ANKS1B: variants seen among roughly 807,000 people sequenced by gnomAD.
ANKS1B encodes ankyrin repeat and sterile alpha motif domain-containing protein 1B.
In ANKS1B, 36 loss-of-function variants were observed where a neutral mutation model predicts 148.3. The observed-to-expected ratio is 0.24, with a 90% CI of 0.19 to 0.32. ANKS1B has a LOEUF of 0.32. ANKS1B is among the 10% of genes least tolerant of loss of function. The pLI is 1.00. For missense variants in ANKS1B, 1,157 were observed against 1,542.6 expected (o/e 0.75, Z 4.19); for synonymous variants, 542 against 560.8 (o/e 0.97, Z 0.47).
intron 17 of ANKS1B, among the ~76,000 whole-genome samples, chr12:99,000,796 C>G (rs1164093027): frequency 6.6e-6 from 1 of 152,158 alleles, no homozygotes; most frequent in Non-Finnish European, 1.5e-5. Context: ...TTATTCTACT[C>G]TCGCATTATG....
chr12:98,821,209 A>T (rs983420141), intron 19 of ANKS1B, among the ~76,000 whole-genome samples: 1 of 152,226 alleles, frequency 6.6e-6, no homozygotes, highest in Admixed American at 6.5e-5. Flanking sequence ...CAAACCTGGC[A>T]TTCTAACAAA....
At chr12:99,952,145 A>G (rs760261232) in intron 1 of ANKS1B, among the ~76,000 whole-genome samples, 7 of 152,194 alleles carry the variant, frequency 4.6e-5, no homozygotes, top group Non-Finnish European at 7.4e-5. Flanking sequence ...AACAAAATTG[A>G]TCAAATTGGG....
At chr12:98,783,062 C>A (rs11109603) in intron 22 of ANKS1B, among the ~76,000 whole-genome samples, 39,967 of 151,268 alleles carry the variant, frequency 0.26, 5,846 homozygotes, top group Middle Eastern at 0.37. Context: ...TTCTGCAAAG[C>A]GTCACAGTGG....
At chr12:99,045,036 A>G (rs2099961422) in intron 17 of ANKS1B, among the ~76,000 whole-genome samples, 1 of 152,200 alleles carries the variant, frequency 6.6e-6, no homozygotes, top group African/African-American at 2.4e-5. Flanking sequence ...TATAAACAGT[A>G]AGTAAAATTT....
chr12:99,485,104 T>C (rs2096470732), intron 10 of ANKS1B, among the ~76,000 whole-genome samples: 2 of 152,046 alleles, frequency 1.3e-5, no homozygotes, highest in African/African-American at 2.4e-5. Context: ...CATTGTTTTA[T>C]AGGCCTTGTG....
At chr12:99,832,032 T>C (rs1166268523) in intron 1 of ANKS1B, among the ~76,000 whole-genome samples, 1 of 152,186 alleles carries the variant, frequency 6.6e-6, no homozygotes, top group East Asian at 1.9e-4. Context: ...TACCATCAGA[T>C]GGGCACAAAT....
intron 10 of ANKS1B, among the ~76,000 whole-genome samples, chr12:99,474,708 A>G (rs1019910024): frequency 6.6e-6 from 1 of 152,072 alleles, no homozygotes; most frequent in Non-Finnish European, 1.5e-5. Flanking sequence ...ACAAACATGA[A>G]GAAATTTATA....
chr12:99,124,679 C>A (rs1241989163), intron 15 of ANKS1B, among the ~76,000 whole-genome samples: 4 of 151,770 alleles, frequency 2.6e-5, no homozygotes, highest in African/African-American at 9.7e-5. Context: ...GAATAGAACA[C>A]AAAGAACTGA....
chr12:99,867,913 C>T (rs1035664580), intron 1 of ANKS1B, among the ~76,000 whole-genome samples: 5 of 152,020 alleles, frequency 3.3e-5, no homozygotes, highest in Admixed American at 3.3e-4. Context: ...GTACAAAACA[C>T]CTGAACAAAA....
intron 14 of ANKS1B, among the ~76,000 whole-genome samples, chr12:99,210,145 C>T (rs1221004002): frequency 6.6e-6 from 1 of 152,144 alleles, no homozygotes; most frequent in East Asian, 1.9e-4. Flanking sequence ...TTCTTTAACT[C>T]TTATATTTGG....
chr12:99,225,822 G>T (rs2085844968), intron 14 of ANKS1B, among the ~76,000 whole-genome samples: 1 of 152,170 alleles, frequency 6.6e-6, no homozygotes, highest in African/African-American at 2.4e-5. Context: ...GACTTGGACT[G>T]GCTTCCTCGC....
At chr12:99,971,992 T>C (rs2095565001) in intron 1 of ANKS1B, among the ~76,000 whole-genome samples, 1 of 152,262 alleles carries the variant, frequency 6.6e-6, no homozygotes. Flanking sequence ...TTCATGTCTC[T>C]GTGTCACATG....
chr12:99,964,693 G>A (rs550268731), intron 1 of ANKS1B, among the ~76,000 whole-genome samples: 1 of 152,242 alleles, frequency 6.6e-6, no homozygotes, highest in Admixed American at 6.5e-5. Flanking sequence ...CAAACAGAAT[G>A]AGAGGGCATC....
intron 1 of ANKS1B, among the ~76,000 whole-genome samples, chr12:99,861,347 T>C (rs914952079): frequency 6.6e-6 from 1 of 152,238 alleles, no homozygotes; most frequent in Non-Finnish European, 1.5e-5. Context: ...AAAAATTCCC[T>C]TGTACAGTAA....
chr12:99,947,499 G>C (rs1022285529), intron 1 of ANKS1B, among the ~76,000 whole-genome samples: 1 of 152,090 alleles, frequency 6.6e-6, no homozygotes, highest in Non-Finnish European at 1.5e-5. Flanking sequence ...ATAAAAAATA[G>C]AGCAACAACT....
intron 17 of ANKS1B, among the ~76,000 whole-genome samples, chr12:98,972,917 T>C (rs751219265): frequency 1.6e-4 from 25 of 152,318 alleles, no homozygotes; most frequent in Non-Finnish European, 2.8e-4. Context: ...TTCAATACTA[T>C]TGCAGACTTA....
intron 1 of ANKS1B, among the ~76,000 whole-genome samples, chr12:99,915,571 T>C (rs968034713): frequency 2.0e-5 from 3 of 152,068 alleles, no homozygotes; most frequent in Non-Finnish European, 4.4e-5. Flanking sequence ...CACTTAGCCA[T>C]CAGAAGCAAG....
At chr12:99,260,377 G>A (rs1471331649) in intron 12 of ANKS1B, among the ~76,000 whole-genome samples, 3 of 152,108 alleles carry the variant, frequency 2.0e-5, no homozygotes, top group Admixed American at 1.3e-4. Flanking sequence ...CTCAGTAAAA[G>A]CTCTGAGAAT....
intron 9 of ANKS1B, among the ~76,000 whole-genome samples, chr12:99,533,391 T>C (rs1005220965): frequency 6.6e-5 from 10 of 152,220 alleles, no homozygotes; most frequent in Non-Finnish European, 1.2e-4. Context: ...GATTTTGTAA[T>C]CTGAGACTTT....
Sources: allele counts gnomAD v4.1 joint callset (sites outside exome capture counted in the v4.1 genomes callset), GRCh38; gene constraint gnomAD v4.1.1; transcripts MANE v1.5; gene names NCBI Gene and HGNC (gene_info 2026-07-23, HGNC 2026-07-21).